The following AMOTL1 variants were observed in gnomAD, a reference collection of about 807,000 sequenced individuals.
AMOTL1 encodes the protein angiomotin like 1.
In AMOTL1, 45 loss-of-function variants were observed where a neutral mutation model predicts 102.9. The observed-to-expected ratio is 0.44, with a 90% CI of 0.34 to 0.56. The LOEUF is 0.56. AMOTL1 is among the 20% of genes least tolerant of loss of function. The pLI, the probability that AMOTL1 is intolerant of heterozygous loss-of-function variation, is 0.01. For synonymous variants in AMOTL1, 481 were observed against 484.7 expected, an observed-to-expected ratio of 0.99 and a Z score of 0.10; for missense variants, 1,114 against 1,225.6, an observed-to-expected ratio of 0.91 and a Z score of 1.36.
chr11:94,779,037 ATATAAT>A (rs79610551), intron 1 of AMOTL1, among the ~76,000 whole-genome samples: 7,648 of 152,238 alleles, frequency 0.05, 477 homozygotes, highest in East Asian at 0.28. Context: ...TGGAAAATAG[ATATAAT>A]TATAAGCCTG....
Position 94,789,506 on chromosome 11 carries a change from G to A in AMOTL1, c.50-5505G>A, listed in dbSNP as rs557813462. Among the ~76,000 whole-genome samples the A allele has an allele frequency of 2.6e-5, 4 of 152,292 alleles. No individual in the cohort carries two copies. The South Asian group carries it at 8.3e-4, about 32-fold the overall frequency. The stretch of plus-strand genomic sequence containing the variant: ...TGTTGCATGCAGGTGTTTGGAGGAG[G>A]CACTGCTGCCTGTCAGTGCTGCCCT... On this transcript the variant is annotated intron_variant, in intron 1 of 12. Coordinates refer to ENST00000433060, the MANE Select transcript of AMOTL1 (RefSeq NM_130847.3).
chr11:94,768,846 G>C (rs1014244862), intron 1 of AMOTL1, among the ~76,000 whole-genome samples: 2 of 152,134 alleles, frequency 1.3e-5, no homozygotes, highest in Non-Finnish European at 2.9e-5. Flanking sequence ...CCGACGCGGG[G>C]CTGGCCTTTC....
At chr11:94,731,360 T>A (rs368271505) in intron 2 of AMOTL1, among the ~76,000 whole-genome samples, 1 of 152,088 alleles carries the variant, frequency 6.6e-6, no homozygotes, top group South Asian at 2.1e-4. Flanking sequence ...AAGGAATCAG[T>A]GTGGCTGAAA....
At chr11:94,810,326 C>G (rs1028127803) in intron 3 of AMOTL1, among the ~76,000 whole-genome samples, 4 of 151,878 alleles carry the variant, frequency 2.6e-5, no homozygotes, top group African/African-American at 4.8e-5. Context: ...TGGGCAGAGC[C>G]CACACTGAAT....
At chr11:94,857,821 C>G (rs1401484379) in intron 8 of AMOTL1, among the ~76,000 whole-genome samples, 1 of 152,122 alleles carries the variant, frequency 6.6e-6, no homozygotes, top group Non-Finnish European at 1.5e-5. Flanking sequence ...ACTGTTGCAA[C>G]CCTGGTACAT....
At chr11:94,837,756 T>G (rs1952214701) in intron 6 of AMOTL1, among the ~76,000 whole-genome samples, 1 of 152,236 alleles carries the variant, frequency 6.6e-6, no homozygotes, top group African/African-American at 2.4e-5. Flanking sequence ...TGTTGATGTC[T>G]GGCCTTTAAC....
chr11:94,725,508 T>A (rs1198295434), intron 1 of AMOTL1, among the ~76,000 whole-genome samples: 1 of 152,048 alleles, frequency 6.6e-6, no homozygotes, highest in East Asian at 1.9e-4. Flanking sequence ...AATGTTAGGG[T>A]CAAATAAAAA....
intron 3 of AMOTL1, among the ~76,000 whole-genome samples, chr11:94,817,949 T>A (rs1282486178): frequency 6.6e-6 from 1 of 152,248 alleles, no homozygotes; most frequent in Non-Finnish European, 1.5e-5. Context: ...TTCTTTGAGC[T>A]GTTTACAGCT....
chr11:94,854,763 G>C lies in AMOTL1; in HGVS notation c.1944+681G>C, dbSNP rs139867988. 7.1e-4 allele frequency among the ~76,000 whole-genome samples: 108 copies of C among 152,232 alleles called. 1 individual carries two copies. The highest frequency in any genetic ancestry group is 2.2e-3 in the African/African-American group (90 of 41,526). Reference sequence around the variant, plus strand: ...AGTGACAGTGAGAACCCATGGAGGAGTTGAAGGGAAGAGCCAATAAGGGGG... The same window carrying C: ...AGTGACAGTGAGAACCCATGGAGGACTTGAAGGGAAGAGCCAATAAGGGGG... On this transcript the variant is annotated intron_variant, in intron 8 of 12. Transcript: ENST00000433060.
At chr11:94,814,871 T>G (rs941441070) in intron 3 of AMOTL1, among the ~76,000 whole-genome samples, 1 of 152,214 alleles carries the variant, frequency 6.6e-6, no homozygotes, top group African/African-American at 2.4e-5. Flanking sequence ...AAGCACTGCA[T>G]AAATGTTAGA....
intron 3 of AMOTL1, among the ~76,000 whole-genome samples, chr11:94,761,156 C>T (rs554918467): frequency 1.3e-5 from 2 of 151,502 alleles, no homozygotes; most frequent in East Asian, 1.9e-4. Context: ...TTCAGTTAAT[C>T]CTCTGTTTAG....
At chr11:94,730,961 A>C (rs760055450) in intron 2 of AMOTL1, among the ~76,000 whole-genome samples, 5 of 152,160 alleles carry the variant, frequency 3.3e-5, no homozygotes, top group Admixed American at 6.5e-5. Flanking sequence ...GAATTTTAGA[A>C]CTGAAAGAAG....
At chr11:94,769,659 G>GGGCTAGCGTGT in intron 1 of AMOTL1, among the ~76,000 whole-genome samples, 1 of 152,222 alleles carries the variant, frequency 6.6e-6, no homozygotes, top group Middle Eastern at 3.4e-3. Context: ...CCTTTTGGCC[G>GGGCTAGCGTGT]GGCTAGCGTG....
chr11:94,822,264 A>G (rs920240810), intron 4 of AMOTL1, among the ~76,000 whole-genome samples: 1 of 152,152 alleles, frequency 6.6e-6, no homozygotes, highest in Non-Finnish European at 1.5e-5. Flanking sequence ...CCTGGGCAAC[A>G]TGCCAAGACC....
intron 1 of AMOTL1, among the ~76,000 whole-genome samples, chr11:94,713,071 T>G (rs1950043469): frequency 6.6e-6 from 1 of 151,832 alleles, no homozygotes; most frequent in South Asian, 2.1e-4. Context: ...GTTTTTTGCC[T>G]CTGTATGTCC....
At chr11:94,834,796 G>T (rs1275041418) in intron 6 of AMOTL1, among the ~76,000 whole-genome samples, 1 of 152,106 alleles carries the variant, frequency 6.6e-6, no homozygotes, top group African/African-American at 2.4e-5. Context: ...AGTTCAAGCA[G>T]CAGGTGGGAC....
At chr11:94,733,167 G>C (rs1409636282) in intron 2 of AMOTL1, among the ~76,000 whole-genome samples, 2 of 152,230 alleles carry the variant, frequency 1.3e-5, no homozygotes, top group Non-Finnish European at 2.9e-5. Flanking sequence ...TCATACTCCA[G>C]AGCTGCGTTC....
In AMOTL1 at chr11:94,870,843, AGCGG is replaced by A. The variant is rs773097565; in HGVS notation, c.*49_*52del. On this transcript the variant is annotated 3_prime_UTR_variant, in exon 13 of 13. Coordinates refer to ENST00000433060, the MANE Select transcript of AMOTL1 (RefSeq NM_130847.3). ...GTACAGAACACTGACAAACAAGGAA[AGCGG>A]CAGAGAAAGAAGAAAGACCTAGAAG... 1.2e-5 allele frequency: 17 copies of A among 1,473,222 alleles called. No homozygotes were observed. The highest frequency in any genetic ancestry group is 1.6e-5 in the Non-Finnish European group (17 of 1,086,098). 91.3% of individuals were successfully genotyped at this position (1,473,222 alleles called of 1,614,324 possible).
intron 3 of AMOTL1, among the ~76,000 whole-genome samples, chr11:94,813,105 G>T (rs370015617): frequency 2.6e-5 from 4 of 152,220 alleles, no homozygotes; most frequent in Non-Finnish European, 4.4e-5. Context: ...TGAAATGTTT[G>T]TGAGCCTGTC....
Sources: allele counts gnomAD v4.1 joint callset (sites outside exome capture counted in the v4.1 genomes callset), GRCh38; gene constraint gnomAD v4.1.1; transcripts MANE v1.5; gene names NCBI Gene and HGNC (gene_info 2026-07-23, HGNC 2026-07-21).